The following GPATCH2L variants were observed in gnomAD, a reference collection of about 807,000 sequenced individuals.
The protein encoded by GPATCH2L is G patch domain-containing protein 2-like.
In GPATCH2L, 31 loss-of-function variants were observed where a neutral mutation model predicts 57.4. That is an observed-to-expected ratio of 0.54 (90% CI 0.41 to 0.73). The LOEUF is 0.73. Among genes scored for constraint, GPATCH2L ranks in the 30% least tolerant of loss-of-function variants. The pLI is 0.00. For missense variants in GPATCH2L, 481 were observed against 599.9 expected, an observed-to-expected ratio of 0.80 and a Z score of 2.07; for synonymous variants, 199 against 210.7, an observed-to-expected ratio of 0.94 and a Z score of 0.48.
chr14:76,170,222 T>A (rs192704363), intron 3 of GPATCH2L, among the ~76,000 whole-genome samples: 2 of 152,358 alleles, frequency 1.3e-5, no homozygotes, highest in East Asian at 3.9e-4. Context: ...TAATGACCCA[T>A]GAATCTCATA....
intron 2 of GPATCH2L, among the ~76,000 whole-genome samples, chr14:76,235,480 C>A (rs927759587): frequency 3.3e-5 from 5 of 152,202 alleles, no homozygotes; most frequent in African/African-American, 1.2e-4. Context: ...TCTCCTTTGC[C>A]TTCTGCCATG....
chr14:76,215,901 TTAAAGTA>T (rs1709828444), downstream of GPATCH2L, among the ~76,000 whole-genome samples: 4 of 151,272 alleles, frequency 2.6e-5, no homozygotes, highest in Non-Finnish European at 4.4e-5. Context: ...ACCCTAAAAC[TTAAAGTA>T]TAATTAAAAA....
rs142997378 is a variant in GPATCH2L, at chr14:76,165,098, G to T, written c.663-1565G>T. Among the ~76,000 whole-genome samples, 8 of 152,328 alleles carry T rather than the reference G, an allele frequency of 5.3e-5. No individual in the cohort carries two copies. The East Asian group carries it at 1.3e-3, about 26-fold the overall frequency. ...AACTCTGTTGTTTCAGTTGGATGTG[G>T]TTCAGTTGCCTTTCTAGCAATGTTA... On this transcript the variant is annotated intron_variant, in intron 2 of 9. Transcript: ENST00000261530.
rs1183937147 is a variant in GPATCH2L, at chr14:76,201,946, C to A, written c.*95C>A. On this transcript the variant is annotated 3_prime_UTR_variant, in exon 10 of 10. Transcript: ENST00000261530. ...AGTCTTGCATATCTTAATCGACATT[C>A]CCAGTCCTTTCACCACCAGAACCAA... The A allele has an allele frequency of 2.9e-6, 3 of 1,032,124 alleles. No homozygotes were observed. Among genetic ancestry groups the A allele is most frequent in the Non-Finnish European group, 2.8e-6 (2 of 711,588 alleles). The allele number at this position is 1,032,124 out of a possible 1,614,324, so 63.9% of individuals were successfully genotyped here.
intron 6 of GPATCH2L, 120 bp downstream of exon 6, chr14:76,176,810 G>T: frequency 2.9e-6 from 2 of 699,178 alleles, no homozygotes; most frequent in South Asian, 1.7e-5. Context: ...TTAAAGATTT[G>T]TACGTTGTAA....
In GPATCH2L at chr14:76,208,007, T is replaced by G. The variant is rs1172425184; in HGVS notation, c.*6156T>G. On this transcript the variant is annotated 3_prime_UTR_variant, in exon 10 of 10. Coordinates refer to ENST00000261530, the MANE Select transcript of GPATCH2L (RefSeq NM_017926.4). ...CTCAGATGCTCATGTCTGTAGGCTG[T>G]TAAGCTCTCATTTCAATTTTTGCAG... is the stretch of plus-strand genomic sequence containing the variant. The G allele has an allele frequency of 2.0e-5, 3 of 152,208 alleles. No individual in the cohort carries two copies. The highest frequency in any genetic ancestry group is 2.9e-5 in the Non-Finnish European group (2 of 68,040). The allele number at this position is 152,208 out of a possible 1,614,324, so 9.4% of individuals were successfully genotyped here. A position where few individuals can be genotyped will look rare whatever the true frequency, so the allele number is the denominator to read the frequency against.
At chr14:76,189,906 C>T (rs1053237556) in intron 8 of GPATCH2L, among the ~76,000 whole-genome samples, 3 of 151,714 alleles carry the variant, frequency 2.0e-5, no homozygotes, top group African/African-American at 7.3e-5. Flanking sequence ...GATTTTTATT[C>T]TATATAAAAA....
rs1351685962 is a variant in GPATCH2L at position 76,208,045 on chromosome 14, C to T, written c.*6194C>T. The T allele has an allele frequency of 6.6e-6, 1 of 152,158 alleles. No individual in the cohort carries two copies. The highest frequency in any genetic ancestry group is 2.4e-5 in the African/African-American group (1 of 41,434). 9.4% of individuals were successfully genotyped at this position (152,158 alleles called of 1,614,324 possible). A position where few individuals can be genotyped will look rare whatever the true frequency, so the allele number is the denominator to read the frequency against. ...TCAATTTTTGCAGTCTTTTAAAACACCACACTTCTTTTCCATCTTGAAGAC... is the reference window on the plus strand; with the variant it reads ...TCAATTTTTGCAGTCTTTTAAAACATCACACTTCTTTTCCATCTTGAAGAC... On this transcript the variant is annotated 3_prime_UTR_variant, in exon 10 of 10. Coordinates refer to ENST00000261530, the MANE Select transcript of GPATCH2L (RefSeq NM_017926.4).
intron 1 of GPATCH2L, among the ~76,000 whole-genome samples, chr14:76,227,506 C>T (rs937690019): frequency 6.6e-6 from 1 of 152,138 alleles, no homozygotes; most frequent in African/African-American, 2.4e-5. Context: ...TGTGGAGAGA[C>T]GAATCCAGGG....
chr14:76,207,574 T>A lies in GPATCH2L; in HGVS notation c.*5723T>A, dbSNP rs2040393505. On this transcript the variant is annotated 3_prime_UTR_variant, in exon 10 of 10. Coordinates refer to ENST00000261530, the MANE Select transcript of GPATCH2L (RefSeq NM_017926.4). The stretch of plus-strand genomic sequence containing the variant: ...AAAAAACACCTTGGGTACATAGATG[T>A]GTAATAAATACCTGTTGAGTTATTG... The A allele has an allele frequency of 1.3e-5, 2 of 152,174 alleles. No homozygotes were observed. Among genetic ancestry groups the A allele is most frequent in the South Asian group, 4.1e-4 (2 of 4,832 alleles). 9.4% of individuals were successfully genotyped at this position (152,174 alleles called of 1,614,324 possible).
intron 8 of GPATCH2L, among the ~76,000 whole-genome samples, chr14:76,181,352 G>GTCTCAGCTCA (rs1157873387): frequency 6.6e-6 from 1 of 152,178 alleles, no homozygotes; most frequent in Admixed American, 6.5e-5. Flanking sequence ...GCTGCTGCTT[G>GTCTCAGCTCA]TCTCAGCTCA....
intron 8 of GPATCH2L, among the ~76,000 whole-genome samples, chr14:76,189,131 G>A (rs567552152): frequency 2.0e-5 from 3 of 147,204 alleles, no homozygotes; most frequent in Middle Eastern, 3.4e-3. Flanking sequence ...TTGAAGCCAG[G>A]TAGTGTGGTT....
intron 1 of GPATCH2L, among the ~76,000 whole-genome samples, chr14:76,227,734 A>AG (rs11375643): frequency 0.92 from 139,647 of 152,202 alleles, 64,679 homozygotes; most frequent in East Asian, 1. Context: ...CAAGAACTCC[A>AG]TAGGATTGAT....
chr14:76,176,353 T>C, intron 5 of GPATCH2L: 2 of 434,074 alleles, frequency 4.6e-6, no homozygotes, highest in South Asian at 7.0e-5. Context: ...ATAGTACTTA[T>C]TAAAATACCA....
intron 2 of GPATCH2L, among the ~76,000 whole-genome samples, chr14:76,233,045 CA>C (rs1416060685): frequency 1.3e-5 from 2 of 152,232 alleles, no homozygotes; most frequent in Non-Finnish European, 2.9e-5. Context: ...CACCTTCCTG[CA>C]GCAGAGTACA....
chr14:76,178,038 A>C lies in GPATCH2L; in HGVS notation c.1103A>C (p.His368Pro). The C allele has an allele frequency of 6.2e-7, 1 of 1,601,822 alleles. No homozygotes were observed. Among genetic ancestry groups the C allele is most frequent in the South Asian group, 1.1e-5 (1 of 90,852 alleles). The change falls in exon 7 of 10, where the codon CAT (histidine) becomes CCT (proline). Residue 368 changes from histidine (H) to proline (P), a missense_variant. His to Pro is a moderately conservative substitution (Grantham distance 77). This residue lies in a region of GPATCH2L where 248 missense variants were observed against 270.5 expected (regional missense o/e 0.92). Coordinates refer to ENST00000261530, the MANE Select transcript of GPATCH2L (RefSeq NM_017926.4). ...SDFPHISACA[H>P]EFNPLSPLYS... ...TTTCCTCACATTTCTGCTTGTGCAC[A>C]TGAGGTAAGGTTTCCTCTTTCTTGT...
At chr14:76,192,260 G>A (rs2040000940) in intron 8 of GPATCH2L, among the ~76,000 whole-genome samples, 1 of 151,604 alleles carries the variant, frequency 6.6e-6, no homozygotes, top group Non-Finnish European at 1.5e-5. Context: ...TTCCCAAGCT[G>A]TAAACTCTAG....
At chr14:76,160,488 A>G (rs746610704) in intron 2 of GPATCH2L, among the ~76,000 whole-genome samples, 1 of 152,232 alleles carries the variant, frequency 6.6e-6, no homozygotes, top group Non-Finnish European at 1.5e-5. Flanking sequence ...TGAGTATGTA[A>G]ATATTCCCAG....
rs149148311 is a variant in GPATCH2L at position 76,212,378 on chromosome 14, T to C, written c.*10527T>C. 8.9e-4 allele frequency: 135 copies of C among 151,004 alleles called. 1 individual carries two copies. The highest frequency in any genetic ancestry group is 3.0e-3 in the African/African-American group (122 of 41,142). The allele number at this position is 151,004 out of a possible 1,614,324, so 9.4% of individuals were successfully genotyped here. A position where few individuals can be genotyped will look rare whatever the true frequency, so the allele number is the denominator to read the frequency against. ...GTTGTAGTCTGCATATCAGGCAAGG[T>C]TGAACTTAGGGAAAAGGAACCGGAA... is the stretch of plus-strand genomic sequence containing the variant. On this transcript the variant is annotated 3_prime_UTR_variant, in exon 10 of 10. Coordinates refer to ENST00000261530, the MANE Select transcript of GPATCH2L (RefSeq NM_017926.4).
Sources: allele counts gnomAD v4.1 joint callset (sites outside exome capture counted in the v4.1 genomes callset), GRCh38; gene constraint gnomAD v4.1.1; regional missense constraint gnomAD v4.1.1; transcripts MANE v1.5; gene names NCBI Gene and HGNC (gene_info 2026-07-23, HGNC 2026-07-21).